The following GPC6 variants were observed in gnomAD, a reference collection of about 807,000 sequenced individuals.
GPC6 encodes glypican-6.
Under a neutral mutation model 55.2 loss-of-function variants are expected in GPC6, and 14 were observed. The observed-to-expected ratio is 0.25, with a 90% CI of 0.17 to 0.40. The LOEUF is 0.40. Ranked by LOEUF, GPC6 falls within the 10% of genes least tolerant of loss-of-function variation. The pLI is 1.00. For synonymous variants in GPC6, 278 were observed against 259.6 expected (o/e 1.07, Z -0.68); for missense variants, 641 against 708.5 (o/e 0.90, Z 1.08).
chr13:93,380,946 G>T (rs1271493739), intron 1 of GPC6, among the ~76,000 whole-genome samples: 1 of 152,082 alleles, frequency 6.6e-6, no homozygotes, highest in African/African-American at 2.4e-5. Context: ...CCAGATAGTT[G>T]CCTAAAATCT....
At chr13:94,009,477 G>C (rs1348401476) in intron 3 of GPC6, among the ~76,000 whole-genome samples, 1 of 152,134 alleles carries the variant, frequency 6.6e-6, no homozygotes, top group Non-Finnish European at 1.5e-5. Context: ...CTGGCATTAT[G>C]CACCACATGA....
At chr13:94,058,209 A>G (rs1329533562) in intron 4 of GPC6, among the ~76,000 whole-genome samples, 2 of 152,152 alleles carry the variant, frequency 1.3e-5, no homozygotes, top group African/African-American at 2.4e-5. Context: ...ATATATATTT[A>G]TTTGATTTTA....
At chr13:93,875,657 A>G (rs1889269726) in intron 3 of GPC6, among the ~76,000 whole-genome samples, 1 of 152,038 alleles carries the variant, frequency 6.6e-6, no homozygotes, top group Admixed American at 6.6e-5. Flanking sequence ...CATGAATGAG[A>G]TAATATAGAA....
intron 2 of GPC6, among the ~76,000 whole-genome samples, chr13:93,593,424 T>A (rs1309959268): frequency 4.6e-5 from 7 of 152,148 alleles, no homozygotes; most frequent in Admixed American, 2.0e-4. Context: ...ACTTACTTTA[T>A]TTCCTGCAAA....
intron 4 of GPC6, among the ~76,000 whole-genome samples, chr13:94,116,507 C>T (rs528874649): frequency 3.9e-5 from 6 of 152,066 alleles, no homozygotes; most frequent in Admixed American, 2.0e-4. Flanking sequence ...GGTGGGCAGG[C>T]TTTTATGGTT....
At chr13:93,354,581 G>T (rs1249990112) in intron 1 of GPC6, among the ~76,000 whole-genome samples, 2 of 149,584 alleles carry the variant, frequency 1.3e-5, no homozygotes, top group African/African-American at 4.9e-5. Context: ...AGCCAGGATG[G>T]TCTCGATCTC....
At chr13:93,820,671 GT>G (rs371044734) in intron 2 of GPC6, among the ~76,000 whole-genome samples, 18,306 of 144,554 alleles carry the variant, frequency 0.13, 1,369 homozygotes, top group Non-Finnish European at 0.18. Flanking sequence ...TCAAAGTAGG[GT>G]TTTTTTTTTT....
intron 4 of GPC6, among the ~76,000 whole-genome samples, chr13:94,052,082 C>T (rs1487428730): frequency 3.3e-5 from 5 of 152,034 alleles, no homozygotes; most frequent in Admixed American, 1.3e-4. Flanking sequence ...GAGAAAGACG[C>T]ATAAACAGTT....
intron 1 of GPC6, among the ~76,000 whole-genome samples, chr13:93,437,052 G>C (rs1290926709): frequency 6.6e-6 from 1 of 151,804 alleles, no homozygotes; most frequent in Non-Finnish European, 1.5e-5. Flanking sequence ...CTGTTTTGGT[G>C]ATCTTTGATC....
At chr13:93,456,701 CGTAAGGA>C (rs1878466303) in intron 1 of GPC6, among the ~76,000 whole-genome samples, 1 of 151,950 alleles carries the variant, frequency 6.6e-6, no homozygotes, top group Admixed American at 6.6e-5. Flanking sequence ...AGAATAGAGA[CGTAAGGA>C]ATAAGGAATA....
chr13:93,527,341 C>T (rs890393354), intron 1 of GPC6, among the ~76,000 whole-genome samples: 5 of 152,030 alleles, frequency 3.3e-5, no homozygotes, highest in Non-Finnish European at 7.4e-5. Flanking sequence ...TTTCACTCTT[C>T]CTCCTTATGC....
intron 2 of GPC6, among the ~76,000 whole-genome samples, chr13:93,695,711 A>C (rs572440449): frequency 1.3e-5 from 2 of 152,232 alleles, no homozygotes; most frequent in African/African-American, 4.8e-5. Context: ...ATATGCTTTC[A>C]TTCATTTTCC....
intron 6 of GPC6, among the ~76,000 whole-genome samples, chr13:94,347,213 C>T (rs1022506479): frequency 3.3e-5 from 5 of 152,048 alleles, no homozygotes; most frequent in Non-Finnish European, 5.9e-5. Context: ...CTTCCCATAT[C>T]CAGGATGGTT....
intron 2 of GPC6, among the ~76,000 whole-genome samples, chr13:93,765,308 T>TTCCAGATAAGATGTCTGGAAAGAC: frequency 6.7e-6 from 1 of 148,684 alleles, no homozygotes; most frequent in Non-Finnish European, 1.5e-5. Flanking sequence ...AAAGACAACT[T>TTCCAGATAAGATGTCTGGAAAGAC]ATTTGGTTTA....
At chr13:94,151,082 C>A (rs1432305324) in intron 4 of GPC6, among the ~76,000 whole-genome samples, 1 of 151,792 alleles carries the variant, frequency 6.6e-6, no homozygotes, top group Non-Finnish European at 1.5e-5. Flanking sequence ...TGGATGGAGC[C>A]ACATAGTTAT....
chr13:93,725,171 A>C (rs1403773264), intron 2 of GPC6, among the ~76,000 whole-genome samples: 2 of 152,088 alleles, frequency 1.3e-5, no homozygotes, highest in African/African-American at 2.4e-5. Flanking sequence ...AATATCCTTA[A>C]AACTTGTGAG....
intron 1 of GPC6, among the ~76,000 whole-genome samples, chr13:93,423,676 C>A (rs1475716008): frequency 6.6e-6 from 1 of 152,102 alleles, no homozygotes; most frequent in Non-Finnish European, 1.5e-5. Context: ...TCAGATGATT[C>A]CACCTTCTCC....
intron 1 of GPC6, among the ~76,000 whole-genome samples, chr13:93,275,431 A>T (rs1015683733): frequency 2.6e-5 from 4 of 152,216 alleles, no homozygotes; most frequent in Non-Finnish European, 5.9e-5. Context: ...GTAAAGAGGG[A>T]TCTCAACAGA....
intron 1 of GPC6, among the ~76,000 whole-genome samples, chr13:93,409,417 T>C (rs1876412993): frequency 6.6e-6 from 1 of 152,168 alleles, no homozygotes. Context: ...TGAGTTCATC[T>C]TCCATCTTTA....
Sources: gnomAD v4.1 joint callset for allele counts (sites outside exome capture counted in the v4.1 genomes callset) on GRCh38, gnomAD v4.1.1 for gene constraint, MANE v1.5 for transcripts, NCBI Gene and HGNC (gene_info 2026-07-23, HGNC 2026-07-21) for gene names.